The following NTNG1 variants were observed in gnomAD, a reference collection of about 807,000 sequenced individuals.
NTNG1 encodes the protein netrin G1.
Under a neutral mutation model 54.0 loss-of-function variants are expected in NTNG1, and 16 were observed. The observed-to-expected ratio is 0.30, with a 90% CI of 0.20 to 0.45. The LOEUF (loss-of-function observed/expected upper bound fraction) is 0.45. Among genes scored for constraint, NTNG1 ranks in the 20% least tolerant of loss-of-function variants. The pLI, the probability that NTNG1 is intolerant of heterozygous loss-of-function variation, is 1.00. For missense variants in NTNG1, 530 were observed against 678.7 expected, an observed-to-expected ratio of 0.78 and a Z score of 2.43; for synonymous variants, 255 against 263.1, an observed-to-expected ratio of 0.97 and a Z score of 0.30.
rs147195942 is a variant in NTNG1 at position 107,243,776 on chromosome 1, GT to G, written c.247-80496del. Among the ~76,000 whole-genome samples, 5 of 147,190 alleles carry G rather than the reference GT, an allele frequency of 3.4e-5. No individual in the cohort carries two copies. The South Asian group carries it at 8.7e-4, about 26-fold the overall frequency. On this transcript the variant is annotated intron_variant, in intron 2 of 7. Coordinates refer to ENST00000370068, the MANE Select transcript of NTNG1 (RefSeq NM_001113226.3). The stretch of plus-strand genomic sequence containing the variant: ...ATGTCTCAACAGACTGAGAGTTTTC[GT>G]TTTTTTTTTCAATATATGACTCTGC...
chr1:107,244,104 A>G (rs1187984183), intron 2 of NTNG1, among the ~76,000 whole-genome samples: 2 of 152,198 alleles, frequency 1.3e-5, no homozygotes, highest in African/African-American at 2.4e-5. Flanking sequence ...TGAAAAATAC[A>G]CCTATCATTG....
intron 2 of NTNG1, among the ~76,000 whole-genome samples, chr1:107,242,790 G>C (rs755410357): frequency 6.6e-6 from 1 of 152,196 alleles, no homozygotes; most frequent in Non-Finnish European, 1.5e-5. Flanking sequence ...CTGAGCTGCC[G>C]AAGTGGGAAC....
At chr1:107,395,437 C>T in intron 4 of NTNG1, 111 bp downstream of exon 4, 1 of 1,017,140 alleles carries the variant, frequency 9.8e-7, no homozygotes. Flanking sequence ...TCTCATTCTT[C>T]TTTAAAGTGC....
At chr1:107,463,740 T>A (rs1171626014) in intron 7 of NTNG1, among the ~76,000 whole-genome samples, 1 of 152,150 alleles carries the variant, frequency 6.6e-6, no homozygotes, top group Non-Finnish European at 1.5e-5. Flanking sequence ...CCAGTCTATA[T>A]AAGGCAAGAG....
At chr1:107,419,329 A>G (rs1343324352) in intron 5 of NTNG1, among the ~76,000 whole-genome samples, 1 of 151,506 alleles carries the variant, frequency 6.6e-6, no homozygotes, top group African/African-American at 2.4e-5. Flanking sequence ...ATTAACATTC[A>G]TGTGTTCCAG....
intron 3 of NTNG1, among the ~76,000 whole-genome samples, chr1:107,364,272 A>G (rs1670460652): frequency 6.6e-6 from 1 of 152,140 alleles, no homozygotes; most frequent in African/African-American, 2.4e-5. Context: ...CATTTCAGTA[A>G]TTTTACATAA....
chr1:107,229,608 C>G (rs1355869274), intron 2 of NTNG1, among the ~76,000 whole-genome samples: 1 of 151,868 alleles, frequency 6.6e-6, no homozygotes, highest in Admixed American at 6.6e-5. Flanking sequence ...ATGGAGGTAC[C>G]AGTGTGTTGG....
At chr1:107,351,618 G>T (rs1308422102) in intron 3 of NTNG1, among the ~76,000 whole-genome samples, 1 of 152,160 alleles carries the variant, frequency 6.6e-6, no homozygotes, top group African/African-American at 2.4e-5. Context: ...TTCAACATGA[G>T]ATTTGGGCAG....
At chr1:107,414,873 C>T (rs568368177) in intron 5 of NTNG1, among the ~76,000 whole-genome samples, 6 of 152,156 alleles carry the variant, frequency 3.9e-5, no homozygotes, top group Admixed American at 6.6e-5. Flanking sequence ...GTGGTGGAAC[C>T]GGACTTTTAA....
In NTNG1 at chr1:107,269,521, G is replaced by A. The variant is rs184164680; in HGVS notation, c.247-54761G>A. Among the ~76,000 whole-genome samples, 176 of 152,260 alleles carry A rather than the reference G, an allele frequency of 1.2e-3. 1 individual carries two copies. The highest frequency in any genetic ancestry group is 4.0e-3 in the African/African-American group (166 of 41,560). ...ATTATCCACATGAAGGCAGCTTTGT[G>A]ATAACAGGGATTCTATAGGTTCCCC... On this transcript the variant is annotated intron_variant, in intron 2 of 7. Transcript: ENST00000370068.
At chr1:107,215,765 G>A (rs541709880) in intron 2 of NTNG1, among the ~76,000 whole-genome samples, 39 of 152,068 alleles carry the variant, frequency 2.6e-4, no homozygotes, top group African/African-American at 8.7e-4. Context: ...TGTACCCATC[G>A]ATAAGCATGG....
At chr1:107,243,759 A>G (rs549702356) in intron 2 of NTNG1, among the ~76,000 whole-genome samples, 47 of 152,234 alleles carry the variant, frequency 3.1e-4, no homozygotes, top group African/African-American at 9.4e-4. Context: ...CTATGTCTCA[A>G]CAGACTGAGA....
At chr1:107,286,320 A>G (rs1419675113) in intron 2 of NTNG1, among the ~76,000 whole-genome samples, 1 of 152,034 alleles carries the variant, frequency 6.6e-6, no homozygotes, top group African/African-American at 2.4e-5. Context: ...CTCAGTAACA[A>G]CTCTATGCTT....
chr1:107,187,382 T>G (rs1224738351), intron 2 of NTNG1, among the ~76,000 whole-genome samples: 2 of 152,152 alleles, frequency 1.3e-5, no homozygotes, highest in African/African-American at 4.8e-5. Flanking sequence ...TTATAGCTTT[T>G]TAAAATTTCC....
chr1:107,193,635 G>A (rs1277994405), intron 2 of NTNG1, among the ~76,000 whole-genome samples: 1 of 151,924 alleles, frequency 6.6e-6, no homozygotes, highest in Non-Finnish European at 1.5e-5. Context: ...GAAGTTAGGT[G>A]ACTTGCCTAA....
chr1:107,418,626 G>C (rs750377313), intron 5 of NTNG1: 1 of 1,601,448 alleles, frequency 6.2e-7, no homozygotes, highest in Non-Finnish European at 8.5e-7. Flanking sequence ...CTTCCCTTGA[G>C]GTTTCTAACC....
At chr1:107,318,649 T>C (rs903853937) in intron 2 of NTNG1, among the ~76,000 whole-genome samples, 9 of 152,092 alleles carry the variant, frequency 5.9e-5, no homozygotes, top group Admixed American at 3.9e-4. Flanking sequence ...ATTACATTTG[T>C]GAGTGGAAAA....
chr1:107,249,159 CAATAAT>C (rs71095305), intron 2 of NTNG1, among the ~76,000 whole-genome samples: 6 of 143,824 alleles, frequency 4.2e-5, no homozygotes, highest in African/African-American at 1.3e-4. Flanking sequence ...GACTCTATCT[CAATAAT>C]AATAATAATA....
chr1:107,233,856 A>G (rs560913174), intron 2 of NTNG1, among the ~76,000 whole-genome samples: 14 of 152,222 alleles, frequency 9.2e-5, no homozygotes, highest in African/African-American at 3.4e-4. Flanking sequence ...AATTAGAACC[A>G]CCTTTCCTAT....
Sources: gnomAD v4.1 joint callset for allele counts (sites outside exome capture counted in the v4.1 genomes callset) on GRCh38, gnomAD v4.1.1 for gene constraint, MANE v1.5 for transcripts, NCBI Gene and HGNC (gene_info 2026-07-23, HGNC 2026-07-21) for gene names.